The following SEMA3E variants were observed in gnomAD, a reference collection of about 807,000 sequenced individuals.
SEMA3E encodes the protein semaphorin 3E.
A neutral mutation model predicts 93.6 loss-of-function variants in SEMA3E; 49 were observed. That is an observed-to-expected ratio of 0.52 (90% CI 0.42 to 0.66). SEMA3E has a LOEUF of 0.66. Ranked by LOEUF, SEMA3E falls within the 30% of genes least tolerant of loss-of-function variation. The pLI is 0.00. For missense variants in SEMA3E, 906 were observed against 964.8 expected (o/e 0.94, Z 0.81); for synonymous variants, 363 against 330.7 (o/e 1.10, Z -1.06).
chr7:83,471,001 T>C (rs1789882134), intron 2 of SEMA3E, among the ~76,000 whole-genome samples: 1 of 151,924 alleles, frequency 6.6e-6, no homozygotes, highest in African/African-American at 2.4e-5. Context: ...CAATGATGTA[T>C]AATTTAGCTT....
chr7:83,374,841 A>G (rs1253416337), intron 16 of SEMA3E, among the ~76,000 whole-genome samples: 1 of 152,208 alleles, frequency 6.6e-6, no homozygotes, highest in Non-Finnish European at 1.5e-5. Context: ...AGGAAAAACA[A>G]AATCAAACAA....
chr7:83,466,342 A>T, intron 4 of SEMA3E, 140 bp downstream of exon 4: 1 of 1,010,926 alleles, frequency 9.9e-7, no homozygotes, highest in South Asian at 1.5e-5. Context: ...CAGAAAGATA[A>T]TTTCTCTGTC....
Position 83,418,429 on chromosome 7 carries a change from G to A in SEMA3E, c.511C>T (p.Pro171Ser), listed in dbSNP as rs145249878. ...ATGAAGGAGGAGCTGGGGTCAAAAG[G>A]ACATCTGCCCCTTCCTCTCTCAGAT... ...PRSERGRGRC[P>S]FDPSSSFIST... Residue 171 changes from proline (P) to serine (S), a missense_variant, in exon 5 of 17, where the codon CCT becomes TCT. Coordinates refer to ENST00000643230, the MANE Select transcript of SEMA3E (RefSeq NM_012431.3). The A allele has an allele frequency of 7.4e-5, 119 of 1,612,008 alleles. No homozygotes were observed. Among genetic ancestry groups the A allele is most frequent in the Non-Finnish European group, 7.6e-5 (90 of 1,179,118 alleles).
chr7:83,472,343 T>C (rs1789914808), intron 2 of SEMA3E, among the ~76,000 whole-genome samples: 1 of 152,192 alleles, frequency 6.6e-6, no homozygotes, highest in South Asian at 2.1e-4. Context: ...GGGAGTTTCT[T>C]TTAAAAATTC....
intron 5 of SEMA3E, 85 bp from the exon 6 acceptor site, chr7:83,408,572 T>G: frequency 7.5e-7 from 1 of 1,338,704 alleles, no homozygotes; most frequent in Non-Finnish European, 1.1e-6. Flanking sequence ...TATGTGTATC[T>G]ATAATATGTA....
intron 1 of SEMA3E, among the ~76,000 whole-genome samples, chr7:83,640,138 C>A (rs1383310732): frequency 6.6e-6 from 1 of 151,942 alleles, no homozygotes; most frequent in Non-Finnish European, 1.5e-5. Flanking sequence ...CTGTTTTCAC[C>A]CTCTTTTATT....
chr7:83,498,220 T>C (rs28507286), intron 1 of SEMA3E, among the ~76,000 whole-genome samples: 2 of 152,162 alleles, frequency 1.3e-5, no homozygotes, highest in East Asian at 1.9e-4. Flanking sequence ...CTATTAGTAA[T>C]GTTTTCGGGG....
intron 1 of SEMA3E, among the ~76,000 whole-genome samples, chr7:83,595,537 C>T (rs902540155): frequency 6.6e-6 from 1 of 151,982 alleles, no homozygotes; most frequent in Non-Finnish European, 1.5e-5. Flanking sequence ...CTTTTATTTT[C>T]TCAGGATCCA....
intron 1 of SEMA3E, among the ~76,000 whole-genome samples, chr7:83,495,122 G>A (rs545164602): frequency 1.3e-5 from 2 of 151,806 alleles, no homozygotes; most frequent in South Asian, 4.2e-4. Context: ...AAATAAGTTG[G>A]CCTGCTGTCG....
intron 4 of SEMA3E, among the ~76,000 whole-genome samples, chr7:83,434,485 T>C (rs958517981): frequency 6.6e-6 from 1 of 152,208 alleles, no homozygotes; most frequent in East Asian, 1.9e-4. Context: ...ATCAATACAT[T>C]AACACAGCAA....
Position 83,589,067 on chromosome 7 carries a change from A to T in SEMA3E, c.115+59361T>A, listed in dbSNP as rs188656543. On this transcript the variant is annotated intron_variant, in intron 1 of 16. Coordinates refer to ENST00000643230, the MANE Select transcript of SEMA3E (RefSeq NM_012431.3). ...CTCTCCTTCACATCTGTGTTCAATT[A>T]ACTATTAGATTAGCATCAAGCGCCG... is the stretch of plus-strand genomic sequence containing the variant. Among the ~76,000 whole-genome samples the T allele has an allele frequency of 9.2e-5, 14 of 152,296 alleles. No individual in the cohort carries two copies. In the East Asian group the frequency reaches 2.3e-3, roughly 25 times the overall value.
At chr7:83,515,663 G>A (rs551702506) in intron 1 of SEMA3E, among the ~76,000 whole-genome samples, 2 of 152,202 alleles carry the variant, frequency 1.3e-5, no homozygotes, top group African/African-American at 4.8e-5. Flanking sequence ...TCAGCAATGG[G>A]GAAGATCCCT....
intron 1 of SEMA3E, among the ~76,000 whole-genome samples, chr7:83,608,022 C>G (rs551621859): frequency 7.2e-5 from 11 of 152,072 alleles, no homozygotes; most frequent in African/African-American, 2.7e-4. Context: ...TGAGACCTGG[C>G]CAACATGGTG....
At chr7:83,502,183 C>T (rs1790609313) in intron 1 of SEMA3E, among the ~76,000 whole-genome samples, 1 of 152,162 alleles carries the variant, frequency 6.6e-6, no homozygotes, top group Non-Finnish European at 1.5e-5. Flanking sequence ...ATCTCCTCTA[C>T]CACCTCTCAT....
chr7:83,639,826 G>A (rs577272045), intron 1 of SEMA3E, among the ~76,000 whole-genome samples: 5 of 151,742 alleles, frequency 3.3e-5, no homozygotes, highest in African/African-American at 4.8e-5. Context: ...TTCCACTACA[G>A]CATACTATCT....
intron 1 of SEMA3E, among the ~76,000 whole-genome samples, chr7:83,592,401 T>C (rs1205949483): frequency 6.6e-6 from 1 of 152,160 alleles, no homozygotes; most frequent in East Asian, 1.9e-4. Flanking sequence ...GTTGAGTCTA[T>C]TCTGTGTTTT....
rs564201480 is a variant in SEMA3E, at chr7:83,366,488, A to G, written c.*1098T>C. 6.6e-6 allele frequency: 1 copy of G among 152,114 alleles called. No homozygotes were observed. Among genetic ancestry groups the G allele is most frequent in the Non-Finnish European group, 1.5e-5 (1 of 67,908 alleles). 9.4% of individuals were successfully genotyped at this position (152,114 alleles called of 1,614,324 possible). ...TTGATATTTGAGAGCAAATCACTTT[A>G]ATATTTTTTTCACAAATAAAACACG... On this transcript the variant is annotated 3_prime_UTR_variant, in exon 17 of 17. Coordinates refer to ENST00000643230, the MANE Select transcript of SEMA3E (RefSeq NM_012431.3).
At chr7:83,496,175 T>C (rs1790487488) in intron 1 of SEMA3E, among the ~76,000 whole-genome samples, 1 of 151,952 alleles carries the variant, frequency 6.6e-6, no homozygotes, top group Admixed American at 6.6e-5. Context: ...CTAAGGTTAT[T>C]TGGTCAGTGT....
intron 1 of SEMA3E, among the ~76,000 whole-genome samples, chr7:83,532,034 T>C (rs73378771): frequency 0.019 from 2,918 of 152,304 alleles, 91 homozygotes; most frequent in African/African-American, 0.066. Context: ...TAGCATGCAT[T>C]GCTGACTGTT....
Sources: allele counts gnomAD v4.1 joint callset (sites outside exome capture counted in the v4.1 genomes callset), GRCh38; gene constraint gnomAD v4.1.1; transcripts MANE v1.5; gene names NCBI Gene and HGNC (gene_info 2026-07-23, HGNC 2026-07-21).